SLC25A12: variants seen among roughly 807,000 people sequenced by gnomAD.
SLC25A12 encodes solute carrier family 25 member 12.
SLC25A12 carries 32 observed loss-of-function variants against 83.3 expected under a neutral mutation model. The ratio of observed to expected loss-of-function variants is 0.38; its 90% confidence interval spans 0.29 to 0.52. The LOEUF (loss-of-function observed/expected upper bound fraction) is 0.52. SLC25A12 is among the 20% of genes least tolerant of loss of function. The pLI is 0.84. For missense variants in SLC25A12, 611 were observed against 835.6 expected (o/e 0.73, Z 3.31); for synonymous variants, 267 against 291.1 (o/e 0.92, Z 0.84).
intron 8 of SLC25A12, among the ~76,000 whole-genome samples, chr2:171,829,794 T>C: frequency 6.6e-6 from 1 of 152,090 alleles, no homozygotes; most frequent in Non-Finnish European, 1.5e-5. Flanking sequence ...GGAAAAGGAA[T>C]GAATCTTTGA....
At chr2:171,864,604 C>T (rs1284608607) in intron 3 of SLC25A12, among the ~76,000 whole-genome samples, 4 of 152,180 alleles carry the variant, frequency 2.6e-5, no homozygotes, top group Admixed American at 1.3e-4. Flanking sequence ...TGAGCACATG[C>T]GCACGCACAC....
chr2:171,891,934 C>T (rs1325504351), intron 2 of SLC25A12, among the ~76,000 whole-genome samples: 1 of 152,182 alleles, frequency 6.6e-6, no homozygotes, highest in Admixed American at 6.5e-5. Context: ...AACTACGCAG[C>T]GTCTTACCCA....
intron 1 of SLC25A12, 124 bp from the exon 2 acceptor site, chr2:171,893,382 A>C (rs1474211874): frequency 1.1e-6 from 1 of 877,478 alleles, no homozygotes; most frequent in African/African-American, 1.7e-5. Flanking sequence ...TTTAAAACAA[A>C]CTAAAAGCCC....
intron 13 of SLC25A12, among the ~76,000 whole-genome samples, chr2:171,805,308 A>C (rs1482562516): frequency 1.3e-5 from 2 of 151,918 alleles, no homozygotes; most frequent in Non-Finnish European, 2.9e-5. Flanking sequence ...ACGGGGTTTC[A>C]CTATGTTGGC....
At chr2:171,888,650 C>G (rs1376098842) in intron 2 of SLC25A12, among the ~76,000 whole-genome samples, 1 of 151,852 alleles carries the variant, frequency 6.6e-6, no homozygotes, top group Non-Finnish European at 1.5e-5. Flanking sequence ...ACCATGTTGC[C>G]CAGGCTGGTC....
chr2:171,839,754 A>C (rs1172621290), intron 5 of SLC25A12, among the ~76,000 whole-genome samples: 1 of 152,198 alleles, frequency 6.6e-6, no homozygotes, highest in Non-Finnish European at 1.5e-5. Context: ...GAAAAAGCCA[A>C]AAAGGAAGCC....
intron 13 of SLC25A12, among the ~76,000 whole-genome samples, chr2:171,802,677 G>C (rs1195379665): frequency 6.6e-6 from 1 of 152,220 alleles, no homozygotes; most frequent in Admixed American, 6.5e-5. Flanking sequence ...TCGGGAGGCT[G>C]AGGCAGGAGA....
chr2:171,814,389 G>A (rs1215026665), intron 10 of SLC25A12, among the ~76,000 whole-genome samples: 1 of 151,922 alleles, frequency 6.6e-6, no homozygotes, highest in African/African-American at 2.4e-5. Context: ...AGCGATAAGG[G>A]AAAGGAAAAC....
chr2:171,850,077 T>C (rs1684890585), intron 4 of SLC25A12, among the ~76,000 whole-genome samples: 1 of 151,864 alleles, frequency 6.6e-6, no homozygotes, highest in Admixed American at 6.6e-5. Context: ...GTACTGGGAT[T>C]ATAGGCAAGA....
intron 2 of SLC25A12, among the ~76,000 whole-genome samples, chr2:171,869,732 T>C (rs1045475403): frequency 6.6e-6 from 1 of 152,184 alleles, no homozygotes; most frequent in South Asian, 2.1e-4. Flanking sequence ...TTGCATCAGA[T>C]TGATTGTTAC....
At chr2:171,850,686 C>T (rs1684909614) in intron 4 of SLC25A12, among the ~76,000 whole-genome samples, 1 of 151,784 alleles carries the variant, frequency 6.6e-6, no homozygotes, top group Non-Finnish European at 1.5e-5. Flanking sequence ...GTCTTGAACT[C>T]CTGACCTCAG....
rs34728188 is a variant in SLC25A12, at chr2:171,890,477, C to CTGTGTGTGTGTGTGTGTGTG, written c.66+2708_66+2727dup. On this transcript the variant is annotated intron_variant, in intron 2 of 17. Transcript: ENST00000422440. The stretch of plus-strand genomic sequence containing the variant: ...ACTAGCAATACTGTATCGTGTGTGT[C>CTGTGTGTGTGTGTGTGTGTG]TGTGTGTGTGTGTGTGTGTGTGTGT... Among the ~76,000 whole-genome samples, 14 of 149,308 alleles carry CTGTGTGTGTGTGTGTGTGTG rather than the reference C, an allele frequency of 9.4e-5. No individual in the cohort carries two copies. The East Asian group carries it at 1.8e-3, about 19-fold the overall frequency.
intron 15 of SLC25A12, chr2:171,788,210 G>GA (rs200575464): frequency 7.8e-4 from 282 of 361,292 alleles, no homozygotes; most frequent in Middle Eastern, 1.6e-3. Context: ...CTGTGAGAGA[G>GA]AAAAAAAAAG....
At chr2:171,854,423 T>G (rs564554633) in intron 4 of SLC25A12, among the ~76,000 whole-genome samples, 1 of 152,134 alleles carries the variant, frequency 6.6e-6, no homozygotes, top group East Asian at 1.9e-4. Flanking sequence ...AAAAATTAGC[T>G]GGGCATGGTG....
At position 171,834,790 on chromosome 2, in the gene SLC25A12, C is replaced by G; in HGVS notation, c.688G>C (p.Glu230Gln). ...GTGCTATATATCTTACGAACAAGCT[C>G]CATGTTATTCAGTAACGAGTTAAAT... ...NAFNSLLNNM[E>Q]LVRKIYSTLA... The change falls in exon 7 of 18, where the codon GAG becomes CAG. Residue 230 changes from glutamate (E) to glutamine (Q), a missense_variant. Glu to Gln is a conservative substitution (Grantham distance 29). Around this residue, in one of 3 missense-constraint regions of SLC25A12, gnomAD observed 540 missense variants for 777.5 expected, o/e 0.69. Coordinates refer to ENST00000422440, the MANE Select transcript of SLC25A12 (RefSeq NM_003705.5). The G allele has an allele frequency of 6.2e-7, 1 of 1,613,914 alleles. No individual in the cohort carries two copies. Among genetic ancestry groups the G allele is most frequent in the Non-Finnish European group, 8.5e-7 (1 of 1,179,938 alleles).
intron 3 of SLC25A12, among the ~76,000 whole-genome samples, chr2:171,866,613 C>A (rs1367430896): frequency 9.4e-5 from 10 of 106,788 alleles, no homozygotes; most frequent in South Asian, 3.0e-4. Flanking sequence ...CCCTCCCGGA[C>A]GGGGCGGCTG....
At chr2:171,789,625 G>A (rs1417091253) in intron 15 of SLC25A12, among the ~76,000 whole-genome samples, 1 of 152,200 alleles carries the variant, frequency 6.6e-6, no homozygotes, top group East Asian at 1.9e-4. Context: ...ACAAAGGAAG[G>A]AAGGGGTGCA....
intron 4 of SLC25A12, among the ~76,000 whole-genome samples, chr2:171,851,037 A>T (rs1684916403): frequency 6.6e-6 from 1 of 152,238 alleles, no homozygotes; most frequent in Middle Eastern, 3.2e-3. Context: ...GAGGGTGAGG[A>T]TGTGTCCTTG....
At position 171,791,078 on chromosome 2, in the gene SLC25A12, T is replaced by A. The variant is rs181111644; in HGVS notation, c.1585+373A>T. On this transcript the variant is annotated intron_variant, in intron 15 of 17. Transcript: ENST00000422440. ...AGTAAGAGCATGCTAGATCTGTGCATGAGCATGAGATACAGCTAAGCAACT... is the reference window on the plus strand; with the variant it reads ...AGTAAGAGCATGCTAGATCTGTGCAAGAGCATGAGATACAGCTAAGCAACT... 4.1e-3 allele frequency among the ~76,000 whole-genome samples: 617 copies of A among 152,182 alleles called. 4 individuals are homozygous for A. The highest frequency in any genetic ancestry group is 6.9e-3 in the Non-Finnish European group (470 of 67,996).
Sources: allele counts gnomAD v4.1 joint callset (sites outside exome capture counted in the v4.1 genomes callset), GRCh38; gene constraint gnomAD v4.1.1; regional missense constraint gnomAD v4.1.1; transcripts MANE v1.5; gene names NCBI Gene and HGNC (gene_info 2026-07-23, HGNC 2026-07-21).